Variants in SLC26A2 observed in about 807,000 individuals in gnomAD.
SLC26A2 encodes the protein solute carrier family 26 member 2.
A neutral mutation model predicts 41.1 loss-of-function variants in SLC26A2; 36 were observed. The observed-to-expected ratio is 0.88, with a 90% confidence interval of 0.67 to 1.16. The LOEUF (loss-of-function observed/expected upper bound fraction) is 1.16. Ranked by LOEUF, SLC26A2 falls within the 50% of genes most tolerant of loss-of-function variation. The pLI, the probability that SLC26A2 is intolerant of heterozygous loss-of-function variation, is 0.00. For missense variants in SLC26A2, 796 were observed against 869.6 expected (o/e 0.92, Z 1.07); for synonymous variants, 291 against 311.6 (o/e 0.93, Z 0.70).
chr5:149,980,686 C>T lies in SLC26A2; in HGVS notation c.1093C>T (p.Pro365Ser), dbSNP rs1317835953. 13 of 1,613,874 alleles carry T rather than the reference C, an allele frequency of 8.1e-6. No homozygotes were observed. Among genetic ancestry groups the T allele is most frequent in the Non-Finnish European group, 1.1e-5 (13 of 1,179,972 alleles). ...TAATTCTAGTATTGCTGGACATATT[C>T]CCACTGGGTTTATGCCACCCAAAGT... ...NYNSSIAGHIPTGFMPPKVPE... is the reference protein window; with the variant it reads ...NYNSSIAGHISTGFMPPKVPE... Residue 365 changes from proline to serine, a missense_variant, in exon 3 of 3, where the codon CCC (proline) becomes TCC (serine). Pro to Ser is a moderately conservative substitution (Grantham distance 74). Transcript: ENST00000286298.
At chr5:149,964,110 G>A (rs1754762670) in intron 1 of SLC26A2, among the ~76,000 whole-genome samples, 1 of 152,188 alleles carries the variant, frequency 6.6e-6, no homozygotes, top group Non-Finnish European at 1.5e-5. Flanking sequence ...GGGAGCCAGT[G>A]CAGATTTTTG....
rs186868020 is a variant in SLC26A2, at chr5:149,960,816, G to A, written c.-189G>A. 139 of 152,468 alleles carry A rather than the reference G, an allele frequency of 9.1e-4. No homozygotes were observed. Among genetic ancestry groups the A allele is most frequent in the African/African-American group, 3.1e-3 (130 of 41,594 alleles). 9.4% of individuals were successfully genotyped at this position (152,468 alleles called of 1,614,324 possible). A position where few individuals can be genotyped will look rare whatever the true frequency, so the allele number is the denominator to read the frequency against. On this transcript the variant is annotated 5_prime_UTR_variant, in exon 1 of 3. Coordinates refer to ENST00000286298, the MANE Select transcript of SLC26A2 (RefSeq NM_000112.4). ...CCGGTGCGTCCTCGCCGCGCCCGTA[G>A]GTCCCGGCAGCCGGGCCCCGCCTCC...
At position 149,986,243 on chromosome 5, in the gene SLC26A2, TAGAA is replaced by T. The variant is rs1473760175; in HGVS notation, c.*4433_*4436del. The T allele has an allele frequency of 2.0e-5, 3 of 148,648 alleles. No individual in the cohort carries two copies. Among genetic ancestry groups the T allele is most frequent in the Non-Finnish European group, 3.0e-5 (2 of 67,594 alleles). The allele number at this position is 148,648 out of a possible 1,614,324, so 9.2% of individuals were successfully genotyped here. ...GAATCAGTTTTTTTAATTAAAAAAA[TAGAA>T]AGCTGTTAGGCTCCTAATTCGTGGG... On this transcript the variant is annotated 3_prime_UTR_variant, in exon 3 of 3. Transcript: ENST00000286298.
chr5:149,961,440 A>T (rs1754702814), intron 1 of SLC26A2, among the ~76,000 whole-genome samples: 1 of 152,258 alleles, frequency 6.6e-6, no homozygotes, highest in Non-Finnish European at 1.5e-5. Flanking sequence ...GTACAAAATC[A>T]GGACCTGTTC....
chr5:149,976,050 C>T (rs1397137454), intron 1 of SLC26A2, among the ~76,000 whole-genome samples: 1 of 151,432 alleles, frequency 6.6e-6, no homozygotes, highest in Non-Finnish European at 1.5e-5. Context: ...CCCAGCTACT[C>T]AGGAGGCTGA....
At chr5:149,962,577 A>G (rs2113684862) in intron 1 of SLC26A2, among the ~76,000 whole-genome samples, 1 of 152,248 alleles carries the variant, frequency 6.6e-6, no homozygotes, top group South Asian at 2.1e-4. Flanking sequence ...GAGCTCAAGC[A>G]ATCCTCCTGC....
intron 1 of SLC26A2, among the ~76,000 whole-genome samples, chr5:149,962,619 A>T (rs1247647301): frequency 6.6e-6 from 1 of 152,192 alleles, no homozygotes. Context: ...GATTACAGGC[A>T]TGAGCCACTG....
chr5:149,981,556 G>A lies in SLC26A2; in HGVS notation c.1963G>A (p.Ala655Thr). Residue 655 changes from alanine to threonine, a missense_variant, in exon 3 of 3, where the codon GCA (alanine) becomes ACA (threonine). Coordinates refer to ENST00000286298, the MANE Select transcript of SLC26A2 (RefSeq NM_000112.4). ...ELHTIVIDCS[A>T]IQFLDTAGIH... ...GCATACTATAGTGATTGACTGCAGT[G>A]CAATTCAATTTTTAGATACAGCAGG... 1.2e-6 allele frequency: 2 copies of A among 1,613,930 alleles called. No homozygotes were observed. The highest frequency in any genetic ancestry group is 1.3e-5 in the African/African-American group (1 of 74,958).
chr5:149,982,162 G>A lies in SLC26A2; in HGVS notation c.*349G>A. On this transcript the variant is annotated 3_prime_UTR_variant, in exon 3 of 3. Coordinates refer to ENST00000286298, the MANE Select transcript of SLC26A2 (RefSeq NM_000112.4). ...GACTGTGCATTCTCCAAGAGATGAAGCGGTGAAGTTGGGATTTACATTGGA... is the reference window on the plus strand; with the variant it reads ...GACTGTGCATTCTCCAAGAGATGAAACGGTGAAGTTGGGATTTACATTGGA... 1 of 202,450 alleles carries A rather than the reference G, an allele frequency of 4.9e-6. No homozygotes were observed. The highest frequency in any genetic ancestry group is 1.0e-5 in the Non-Finnish European group (1 of 100,242). The allele number at this position is 202,450 out of a possible 1,614,324, so 12.5% of individuals were successfully genotyped here. A position where few individuals can be genotyped will look rare whatever the true frequency, so the allele number is the denominator to read the frequency against.
intron 1 of SLC26A2, among the ~76,000 whole-genome samples, chr5:149,969,769 T>TAG (rs1270563841): frequency 6.6e-6 from 1 of 152,234 alleles, no homozygotes; most frequent in Non-Finnish European, 1.5e-5. Context: ...GTGTGACCTT[T>TAG]TCCTGGGTCT....
At chr5:149,967,536 G>A (rs1447557555) in intron 1 of SLC26A2, among the ~76,000 whole-genome samples, 1 of 152,168 alleles carries the variant, frequency 6.6e-6, no homozygotes, top group African/African-American at 2.4e-5. Flanking sequence ...TTTGCATTTT[G>A]TAAAGTTTTT....
chr5:149,981,153 G>A lies in SLC26A2; in HGVS notation c.1560G>A (p.Leu520=), dbSNP rs750938485. 6.2e-7 allele frequency: 1 copy of A among 1,614,150 alleles called. No individual in the cohort carries two copies. The highest frequency in any genetic ancestry group is 8.5e-7 in the Non-Finnish European group (1 of 1,180,010). ...MDTVIWFVTM[L]SSALLSTEIG... ...CAGTTATCTGGTTTGTTACTATGCTGTCCTCTGCACTGCTAAGTACTGAAA... is the reference window on the plus strand; with the variant it reads ...CAGTTATCTGGTTTGTTACTATGCTATCCTCTGCACTGCTAAGTACTGAAA... Residue 520 remains leucine, a synonymous_variant, in exon 3 of 3, where the codon CTG becomes CTA. Coordinates refer to ENST00000286298, the MANE Select transcript of SLC26A2 (RefSeq NM_000112.4).
At chr5:149,979,734 C>A (rs567257872) in intron 2 of SLC26A2, among the ~76,000 whole-genome samples, 1 of 152,200 alleles carries the variant, frequency 6.6e-6, no homozygotes, top group South Asian at 2.1e-4. Flanking sequence ...AGATAATCTA[C>A]AATAATTTTT....
chr5:149,977,845 A>G lies in SLC26A2; in HGVS notation c.193A>G (p.Asn65Asp), dbSNP rs755049614. 193 of 1,614,086 alleles carry G rather than the reference A, an allele frequency of 1.2e-4. No homozygotes were observed. The highest frequency in any genetic ancestry group is 1.7e-4 in the Admixed American group (10 of 60,010). The change falls in exon 2 of 3, where the codon AAC becomes GAC. Residue 65 changes from asparagine to aspartate, a missense_variant. By Grantham distance (23) the Asn-to-Asp change is conservative. Coordinates refer to ENST00000286298, the MANE Select transcript of SLC26A2 (RefSeq NM_000112.4). Reference sequence around the variant, plus strand: ...TGAGCGTCAAGAGAAATCAGATACAAACTTCAAGGAGTTTGTTATTAAAAA... The same window carrying G: ...TGAGCGTCAAGAGAAATCAGATACAGACTTCAAGGAGTTTGTTATTAAAAA... Reference protein sequence around the residue: ...LIERQEKSDTNFKEFVIKKLQ... With the variant: ...LIERQEKSDTDFKEFVIKKLQ...
chr5:149,971,977 C>T (rs945345627), intron 1 of SLC26A2, among the ~76,000 whole-genome samples: 2 of 152,150 alleles, frequency 1.3e-5, no homozygotes, highest in African/African-American at 4.8e-5. Flanking sequence ...CCACTAATCC[C>T]CCATAACCAT....
rs1286801892 is a variant in SLC26A2, at chr5:149,983,914, AG to A, written c.*2103del. On this transcript the variant is annotated 3_prime_UTR_variant, in exon 3 of 3. Transcript: ENST00000286298. Reference sequence around the variant, plus strand: ...TTTAATCTCTCTTGCCCTTCTCCCAAGGCAGGCTTAAGTTGAGACTATTATA... The same window carrying A: ...TTTAATCTCTCTTGCCCTTCTCCCAAGCAGGCTTAAGTTGAGACTATTATA... The A allele has an allele frequency of 1.3e-5, 2 of 152,212 alleles. No homozygotes were observed. Among genetic ancestry groups the A allele is most frequent in the African/African-American group, 4.8e-5 (2 of 41,432 alleles). The allele number at this position is 152,212 out of a possible 1,614,324, so 9.4% of individuals were successfully genotyped here. A position where few individuals can be genotyped will look rare whatever the true frequency, so the allele number is the denominator to read the frequency against.
At chr5:149,973,080 A>T (rs1754932650) in intron 1 of SLC26A2, among the ~76,000 whole-genome samples, 1 of 152,106 alleles carries the variant, frequency 6.6e-6, no homozygotes, top group Admixed American at 6.5e-5. Context: ...GCACTTTGGG[A>T]GACCAAAGTA....
chr5:149,977,100 CT>C (rs1242555214), intron 1 of SLC26A2, among the ~76,000 whole-genome samples: 1 of 152,192 alleles, frequency 6.6e-6, no homozygotes, highest in African/African-American at 2.4e-5. Context: ...CTACAACCTA[CT>C]TTTCTATTTA....
intron 1 of SLC26A2, among the ~76,000 whole-genome samples, chr5:149,966,938 C>T (rs556460686): frequency 6.6e-6 from 1 of 152,140 alleles, no homozygotes; most frequent in African/African-American, 2.4e-5. Context: ...CCCAAGGCTG[C>T]GTATCCAGAG....
Sources: allele counts gnomAD v4.1 joint callset (sites outside exome capture counted in the v4.1 genomes callset), GRCh38; gene constraint gnomAD v4.1.1; transcripts MANE v1.5; gene names NCBI Gene and HGNC (gene_info 2026-07-23, HGNC 2026-07-21).